GPNMB: variants seen among roughly 807,000 people sequenced by gnomAD.
GPNMB encodes glycoprotein nmb, also known as transmembrane glycoprotein NMB.
In GPNMB, 71 loss-of-function variants were observed where a neutral mutation model predicts 57.3. That is an observed-to-expected ratio of 1.24 (90% confidence interval 1.02 to 1.51). The LOEUF is 1.51. GPNMB is among the 40% of genes most tolerant of loss of function. GPNMB has a pLI of 0.00. For missense variants in GPNMB, 677 were observed against 691.9 expected, an observed-to-expected ratio of 0.98 and a Z score of 0.24; for synonymous variants, 253 against 263.2, an observed-to-expected ratio of 0.96 and a Z score of 0.38.
intron 3 of GPNMB, among the ~76,000 whole-genome samples, chr7:23,255,506 GC>G (rs1267169578): frequency 6.6e-6 from 1 of 152,164 alleles, no homozygotes; most frequent in East Asian, 1.9e-4. Flanking sequence ...GAATACTGCT[GC>G]AACACAGGAA....
intron 1 of GPNMB, among the ~76,000 whole-genome samples, chr7:23,252,104 G>A (rs1247188780): frequency 6.6e-6 from 1 of 152,118 alleles, no homozygotes; most frequent in Non-Finnish European, 1.5e-5. Context: ...AGTGAAAGAG[G>A]TATCACTAAC....
chr7:23,273,611 A>G lies in GPNMB; in HGVS notation c.1520A>G (p.Tyr507Cys), dbSNP rs549699385. The change falls in exon 10 of 11, where the codon TAC (tyrosine) becomes TGC (cysteine). Residue 507 changes from tyrosine (Y) to cysteine (C), a missense_variant. Physicochemically the swap from Tyr to Cys is radical, Grantham distance 194. Transcript: ENST00000258733. The stretch of plus-strand genomic sequence containing the variant: ...GTCACTGTGATCTCCCTCTTGGTGT[A>G]CAAGTAAGTTTTTGGTTCCTACGCT... ...IFVTVISLLVYKKHKEYNPIE... is the reference protein window; with the variant it reads ...IFVTVISLLVCKKHKEYNPIE... 1 of 1,601,208 alleles carries G rather than the reference A, an allele frequency of 6.2e-7. No homozygotes were observed. Among genetic ancestry groups the G allele is most frequent in the African/African-American group, 1.3e-5 (1 of 74,756 alleles).
chr7:23,273,649 A>G lies in GPNMB; in HGVS notation c.1523+35A>G, dbSNP rs156420. The stretch of plus-strand genomic sequence containing the variant: ...TGGTTCCTACGCTTTATATCACTAT[A>G]GTGTATTGTCAAAAGTGAATATATC... On this transcript the variant is annotated intron_variant, in intron 10 of 10. Coordinates refer to ENST00000258733, the MANE Select transcript of GPNMB (RefSeq NM_002510.3). 4.0e-6 allele frequency: 5 copies of G among 1,249,726 alleles called. No homozygotes were observed. In the African/African-American group the frequency reaches 7.4e-5, roughly 18 times the overall value. The allele number at this position is 1,249,726 out of a possible 1,614,324, so 77.4% of individuals were successfully genotyped here.
chr7:23,268,409 C>G (rs1353802004), intron 8 of GPNMB, among the ~76,000 whole-genome samples: 2 of 152,160 alleles, frequency 1.3e-5, no homozygotes, highest in Non-Finnish European at 2.9e-5. Flanking sequence ...CACAGGAGTG[C>G]TCTTAAGCTC....
rs369903662 is a variant in GPNMB at position 23,269,953 on chromosome 7, C to T, written c.1221-14C>T. 1.7e-5 allele frequency: 27 copies of T among 1,608,666 alleles called. No homozygotes were observed. In the South Asian group the frequency reaches 3.0e-4, roughly 18 times the overall value. ...CTGTGCCCTGTGCGCCCTCGCCCACCTCCCCTGTCGCAGCATTCCCACGGA... is the reference window on the plus strand; with the variant it reads ...CTGTGCCCTGTGCGCCCTCGCCCACTTCCCCTGTCGCAGCATTCCCACGGA... On this transcript the variant is annotated splice_polypyrimidine_tract_variant and intron_variant, in intron 8 of 10. Transcript: ENST00000258733.
chr7:23,260,772 A>G lies in GPNMB; in HGVS notation c.1017A>G (p.Leu339=). Residue 339 remains leucine, a splice_region_variant and synonymous_variant, in exon 6 of 11, where the codon TTA becomes TTG. Coordinates refer to ENST00000258733, the MANE Select transcript of GPNMB (RefSeq NM_002510.3). ...PPRPSKPTPS[L]GPAGDNPLEL... is the part of the protein sequence containing the mutation. ...GACCTTCAAAACCCACCCCTTCTTTAGGTAAGGTTTCGCAGTGATCTTTGA... is the reference window on the plus strand; with the variant it reads ...GACCTTCAAAACCCACCCCTTCTTTGGGTAAGGTTTCGCAGTGATCTTTGA... 1 of 1,533,246 alleles carries G rather than the reference A, an allele frequency of 6.5e-7. No homozygotes were observed. The highest frequency in any genetic ancestry group is 8.8e-7 in the Non-Finnish European group (1 of 1,142,342). 95.0% of individuals were successfully genotyped at this position (1,533,246 alleles called of 1,614,324 possible). A position where few individuals can be genotyped will look rare whatever the true frequency, so the allele number is the denominator to read the frequency against.
chr7:23,273,299 C>G, intron 9 of GPNMB: 1 of 498,872 alleles, frequency 2.0e-6, no homozygotes, highest in Admixed American at 3.8e-5. Context: ...ATCTCTCCCC[C>G]GCGCCCTTAC....
chr7:23,272,565 G>A (rs1020262497), intron 9 of GPNMB, among the ~76,000 whole-genome samples: 12 of 152,206 alleles, frequency 7.9e-5, no homozygotes, highest in Non-Finnish European at 1.2e-4. Flanking sequence ...AGTGGGGATT[G>A]CAGCTTAATA....
At chr7:23,248,937 C>A (rs185034708) in intron 1 of GPNMB, among the ~76,000 whole-genome samples, 1 of 152,112 alleles carries the variant, frequency 6.6e-6, no homozygotes, top group Non-Finnish European at 1.5e-5. Context: ...GCACGTGCCA[C>A]CACACCCAGA....
intron 6 of GPNMB, among the ~76,000 whole-genome samples, chr7:23,262,739 C>T (rs1782957783): frequency 1.3e-5 from 2 of 151,504 alleles, no homozygotes; most frequent in Non-Finnish European, 2.9e-5. Flanking sequence ...CTGCCTCAGC[C>T]TCCCAAGTGG....
intron 9 of GPNMB, 76 bp from the exon 10 acceptor site, chr7:23,273,445 T>C: frequency 1.1e-6 from 1 of 920,406 alleles, no homozygotes; most frequent in Non-Finnish European, 1.8e-6. Flanking sequence ...CCCTTCCTCA[T>C]TTATTTAATG....
intron 6 of GPNMB, among the ~76,000 whole-genome samples, chr7:23,263,987 A>G (rs1782994890): frequency 6.6e-6 from 1 of 151,818 alleles, no homozygotes. Flanking sequence ...ACCCAGGTAG[A>G]TGTGTTTAAA....
At chr7:23,269,380 C>G (rs1783143917) in intron 8 of GPNMB, among the ~76,000 whole-genome samples, 1 of 152,132 alleles carries the variant, frequency 6.6e-6, no homozygotes, top group Admixed American at 6.5e-5. Flanking sequence ...GAGCAAAACT[C>G]TGTCTCAAAA....
chr7:23,255,844 G>A (rs1782763672), intron 3 of GPNMB, among the ~76,000 whole-genome samples: 1 of 151,984 alleles, frequency 6.6e-6, no homozygotes, highest in Admixed American at 6.6e-5. Context: ...AGGGTGATTG[G>A]GATATCCACC....
At chr7:23,258,306 A>G (rs1782830102) in intron 4 of GPNMB, among the ~76,000 whole-genome samples, 1 of 152,258 alleles carries the variant, frequency 6.6e-6, no homozygotes, top group African/African-American at 2.4e-5. Context: ...CTTATTTACA[A>G]ATCAGGACAA....
At chr7:23,267,364 C>G (rs945708591) in intron 7 of GPNMB, among the ~76,000 whole-genome samples, 13 of 152,164 alleles carry the variant, frequency 8.5e-5, no homozygotes, top group Admixed American at 3.9e-4. Flanking sequence ...GGTAGATTGC[C>G]AGATCTGATG....
intron 6 of GPNMB, among the ~76,000 whole-genome samples, chr7:23,262,700 C>T (rs536328422): frequency 5.8e-5 from 8 of 137,594 alleles, no homozygotes; most frequent in African/African-American, 2.1e-4. Context: ...CTCACTGCAA[C>T]CTCCACCTCC....
At chr7:23,266,300 C>G in intron 6 of GPNMB, 3 of 543,224 alleles carry the variant, frequency 5.5e-6, no homozygotes, top group Non-Finnish European at 9.7e-6. Context: ...TGGGATTATG[C>G]TTCCTTACAT....
chr7:23,246,792 CTTGGTGGACGGGCCCAGA>C lies in GPNMB; in HGVS notation c.-65_-48del. On this transcript the variant is annotated 5_prime_UTR_variant, in exon 1 of 11. Transcript: ENST00000258733. ...CAGATGCCAGAAGAACACTGTTGCT[CTTGGTGGACGGGCCCAGA>C]GGAATTCAGAGTTAAACCTTGAGTG... The C allele has an allele frequency of 4.3e-6, 5 of 1,168,948 alleles. No individual in the cohort carries two copies. In the South Asian group the frequency reaches 6.1e-5, roughly 14 times the overall value. The allele number at this position is 1,168,948 out of a possible 1,614,324, so 72.4% of individuals were successfully genotyped here.
Sources: allele counts gnomAD v4.1 joint callset (sites outside exome capture counted in the v4.1 genomes callset), GRCh38; gene constraint gnomAD v4.1.1; transcripts MANE v1.5; gene names NCBI Gene and HGNC (gene_info 2026-07-23, HGNC 2026-07-21).